Variants in ZNF560 observed in about 807,000 individuals in gnomAD.
ZNF560 encodes zinc finger protein 560.
ZNF560 carries 54 observed loss-of-function variants against 81.8 expected under a neutral mutation model. The ratio of observed to expected loss-of-function variants is 0.66; its 90% confidence interval spans 0.53 to 0.83. ZNF560 has a LOEUF of 0.83. ZNF560 is among the 40% of genes least tolerant of loss of function. The pLI is 0.00. For synonymous variants in ZNF560, 321 were observed against 317.9 expected (o/e 1.01, Z -0.10); for missense variants, 940 against 932.4 (o/e 1.01, Z -0.11).
chr19:9,474,080 T>C (rs2073162489), intron 4 of ZNF560, 119 bp downstream of exon 4: 1 of 1,154,920 alleles, frequency 8.7e-7, no homozygotes, highest in Non-Finnish European at 1.3e-6. Flanking sequence ...TTAAGACCTA[T>C]TATGGCAGGG....
Position 9,487,592 on chromosome 19 carries a change from G to A in ZNF560, c.-57+10536C>T, listed in dbSNP as rs374500851. The stretch of plus-strand genomic sequence containing the variant: ...CCATGCTGGAGGAGGACCAAAGCAG[G>A]AGGCTCTGACAAGCATGTAGGGAGC... On this transcript the variant is annotated intron_variant, in intron 2 of 9. Coordinates refer to ENST00000301480, the MANE Select transcript of ZNF560 (RefSeq NM_152476.3). Among the ~76,000 whole-genome samples the A allele has an allele frequency of 4.6e-5, 7 of 152,312 alleles. No individual in the cohort carries two copies. In the East Asian group the frequency reaches 5.8e-4, roughly 13 times the overall value.
At chr19:9,503,320 C>G (rs1342372329), upstream of ZNF560, among the ~76,000 whole-genome samples, 2 of 152,046 alleles carry the variant, frequency 1.3e-5, no homozygotes, top group Admixed American at 6.6e-5. Context: ...TACATGTTTT[C>G]TTTTGTAATT....
chr19:9,494,179 G>A (rs1376009814), intron 2 of ZNF560, among the ~76,000 whole-genome samples: 2 of 151,482 alleles, frequency 1.3e-5, no homozygotes, highest in East Asian at 1.9e-4. Context: ...ATGAGGGGCT[G>A]TGCACATTCT....
chr19:9,499,937 C>G (rs2073618043), upstream of ZNF560, among the ~76,000 whole-genome samples: 1 of 152,132 alleles, frequency 6.6e-6, no homozygotes, highest in Admixed American at 6.5e-5. Context: ...TACTGTGCAA[C>G]TTTACGGAAT....
chr19:9,496,851 G>C (rs956106789), intron 2 of ZNF560, among the ~76,000 whole-genome samples: 1 of 151,738 alleles, frequency 6.6e-6, no homozygotes, highest in African/African-American at 2.4e-5. Context: ...CAGGAGAATC[G>C]CTTGAACCAG....
chr19:9,490,183 C>T (rs548176770), intron 2 of ZNF560, among the ~76,000 whole-genome samples: 1 of 152,242 alleles, frequency 6.6e-6, no homozygotes, highest in Non-Finnish European at 1.5e-5. Context: ...AAGACACCCT[C>T]TTCACAAAGG....
In ZNF560 at chr19:9,467,578, C is replaced by G; in HGVS notation, c.1369G>C (p.Glu457Gln). The change falls in exon 10 of 10, where the codon GAG (glutamate) becomes CAG (glutamine). Residue 457 changes from glutamate (E) to glutamine (Q), a missense_variant. Transcript: ENST00000301480. ...LFGHLRVHNG[E>Q]KPYEHKEYGK... ...TATTCCTTATGCTCATATGGCTTCT[C>G]TCCATTATGAACTCTCAAATGTCCA... The G allele has an allele frequency of 1.9e-6, 3 of 1,614,142 alleles. No individual in the cohort carries two copies. The highest frequency in any genetic ancestry group is 1.1e-5 in the South Asian group (1 of 91,080).
At chr19:9,475,081 C>T (rs2073180043) in intron 3 of ZNF560, among the ~76,000 whole-genome samples, 2 of 152,016 alleles carry the variant, frequency 1.3e-5, no homozygotes, top group African/African-American at 2.4e-5. Flanking sequence ...AATTAATTAA[C>T]AATTACTGAA....
At chr19:9,476,953 C>G (rs1453987043) in intron 2 of ZNF560, among the ~76,000 whole-genome samples, 1 of 152,064 alleles carries the variant, frequency 6.6e-6, no homozygotes, top group East Asian at 1.9e-4. Flanking sequence ...GCTTATAAAT[C>G]TAAGTGGATA....
chr19:9,450,322 G>A, the ZNF560 span, among the ~76,000 whole-genome samples: 7 of 151,548 alleles, frequency 4.6e-5, no homozygotes, highest in Non-Finnish European at 8.8e-5. Flanking sequence ...AAAAGGATGC[G>A]CACTCTAACC....
At chr19:9,460,469 C>G in the ZNF560 span, among the ~76,000 whole-genome samples, 1 of 152,276 alleles carries the variant, frequency 6.6e-6, no homozygotes, top group South Asian at 2.1e-4. Flanking sequence ...TGTAACTTGG[C>G]TGGACCCCCC....
downstream of ZNF560, among the ~76,000 whole-genome samples, chr19:9,466,342 C>CA (rs771609940): frequency 0.026 from 3,278 of 126,890 alleles, 85 homozygotes; most frequent in African/African-American, 0.08. Context: ...TGAGACTCAT[C>CA]AAAAAAAAAA....
intron 5 of ZNF560, 29 bp from the exon 6 acceptor site, chr19:9,471,407 T>C (rs779061720): frequency 3.9e-5 from 57 of 1,455,062 alleles, no homozygotes; most frequent in Non-Finnish European, 4.7e-5. Context: ...CTGAGGTTTT[T>C]TTTTTTTTTA....
chr19:9,460,478 C>A, the ZNF560 span, among the ~76,000 whole-genome samples: 46 of 152,296 alleles, frequency 3.0e-4, no homozygotes, highest in Admixed American at 6.5e-4. Flanking sequence ...GCTGGACCCC[C>A]CAGTGGAGGT....
At chr19:9,453,961 C>G in the ZNF560 span, among the ~76,000 whole-genome samples, 7 of 152,220 alleles carry the variant, frequency 4.6e-5, no homozygotes, top group East Asian at 1.3e-3. Flanking sequence ...TGGCCATAAA[C>G]AAGATCTCTG....
At chr19:9,501,346 TG>T, upstream of ZNF560, among the ~76,000 whole-genome samples, 1 of 147,792 alleles carries the variant, frequency 6.8e-6, no homozygotes, top group Non-Finnish European at 1.5e-5. Flanking sequence ...TGTGTGTGTG[TG>T]TGTGTGTGTG....
the ZNF560 span, among the ~76,000 whole-genome samples, chr19:9,503,686 C>A: frequency 2.9e-3 from 442 of 152,268 alleles, 4 homozygotes; most frequent in South Asian, 0.02. Context: ...AGGCACATGC[C>A]ACCATACCCA....
At chr19:9,477,944 A>G (rs2073228492) in intron 2 of ZNF560, among the ~76,000 whole-genome samples, 1 of 152,188 alleles carries the variant, frequency 6.6e-6, no homozygotes, top group South Asian at 2.1e-4. Context: ...TTACAGGAGT[A>G]CAAGAAGACA....
intron 2 of ZNF560, among the ~76,000 whole-genome samples, chr19:9,477,220 C>CAT (rs941314615): frequency 5.9e-5 from 9 of 151,882 alleles, no homozygotes; most frequent in South Asian, 2.1e-4. Context: ...TACATATATA[C>CAT]ATATATATAT....
Sources: gnomAD v4.1 joint callset for allele counts (sites outside exome capture counted in the v4.1 genomes callset) on GRCh38, gnomAD v4.1.1 for gene constraint, MANE v1.5 for transcripts, NCBI Gene and HGNC (gene_info 2026-07-23, HGNC 2026-07-21) for gene names.